Variants in AGBL1 observed in about 807,000 individuals in gnomAD.
AGBL1 encodes the protein cytosolic carboxypeptidase 4.
A neutral mutation model predicts 118.9 loss-of-function variants in AGBL1; 130 were observed. The observed-to-expected ratio is 1.09, with a 90% CI of 0.95 to 1.26. The LOEUF (loss-of-function observed/expected upper bound fraction) is 1.26. Among genes scored for constraint, AGBL1 ranks in the 50% most tolerant of loss-of-function variants. The pLI is 0.00. For synonymous variants in AGBL1, 555 were observed against 478.9 expected (o/e 1.16, Z -2.08); for missense variants, 1,584 against 1,298.1 (o/e 1.22, Z -3.38).
intron 22 of AGBL1, among the ~76,000 whole-genome samples, chr15:86,712,348 A>T (rs141256922): frequency 4.0e-5 from 6 of 151,190 alleles, no homozygotes; most frequent in African/African-American, 1.5e-4. Context: ...AGAAGGGATT[A>T]CAGAGACGAT....
At chr15:86,215,581 A>G (rs972462346) in intron 5 of AGBL1, among the ~76,000 whole-genome samples, 1 of 152,118 alleles carries the variant, frequency 6.6e-6, no homozygotes, top group South Asian at 2.1e-4. Context: ...CTGACATTGC[A>G]GTGAGACAGA....
rs147564106 is a variant in AGBL1, at chr15:86,279,963, A to G, written c.2220+180A>G. On this transcript the variant is annotated intron_variant, in intron 16 of 22. Transcript: ENST00000614907. ...TGACTTGGTGCTTTCTAATTGTCCC[A>G]TCTCCTTCCCTGGACAGAGCACAAG... Among the ~76,000 whole-genome samples, 7 of 152,286 alleles carry G rather than the reference A, an allele frequency of 4.6e-5. No individual in the cohort carries two copies. The East Asian group carries it at 7.7e-4, about 17-fold the overall frequency.
chr15:86,787,454 G>A (rs1368374592), intron 22 of AGBL1, among the ~76,000 whole-genome samples: 2 of 151,980 alleles, frequency 1.3e-5, no homozygotes, highest in Non-Finnish European at 2.9e-5. Flanking sequence ...AGTAATTGCT[G>A]TTCTAGTCTC....
At chr15:86,922,440 G>A (rs545097299) in intron 23 of AGBL1, among the ~76,000 whole-genome samples, 49 of 152,282 alleles carry the variant, frequency 3.2e-4, no homozygotes, top group African/African-American at 1.2e-3. Flanking sequence ...ACAGGCATGT[G>A]CCACCATGCC....
intron 23 of AGBL1, among the ~76,000 whole-genome samples, chr15:86,952,375 A>C (rs1241497382): frequency 6.6e-6 from 1 of 152,184 alleles, no homozygotes; most frequent in African/African-American, 2.4e-5. Flanking sequence ...AATATCTAGT[A>C]AGGTCATGAT....
chr15:86,761,116 A>T (rs536804941), intron 22 of AGBL1, among the ~76,000 whole-genome samples: 4 of 152,162 alleles, frequency 2.6e-5, no homozygotes, highest in Admixed American at 1.3e-4. Flanking sequence ...CAAGTACCCC[A>T]GGTTTTTGCC....
intron 5 of AGBL1, among the ~76,000 whole-genome samples, chr15:86,216,385 T>C (rs1040843134): frequency 6.6e-6 from 1 of 152,240 alleles, no homozygotes; most frequent in African/African-American, 2.4e-5. Context: ...AAGTATCATA[T>C]TAACTGTGGA....
chr15:86,404,232 AT>A (rs2081490409), intron 18 of AGBL1, among the ~76,000 whole-genome samples: 1 of 152,036 alleles, frequency 6.6e-6, no homozygotes, highest in South Asian at 2.1e-4. Context: ...GGGATGAATG[AT>A]TTGGTTCATC....
intron 22 of AGBL1, among the ~76,000 whole-genome samples, chr15:86,814,764 A>G (rs1317266603): frequency 6.6e-6 from 1 of 152,202 alleles, no homozygotes; most frequent in African/African-American, 2.4e-5. Flanking sequence ...CTCACCAAAG[A>G]AAACAGTCAA....
chr15:86,708,104 A>C (rs934370594), intron 22 of AGBL1, among the ~76,000 whole-genome samples: 1 of 152,112 alleles, frequency 6.6e-6, no homozygotes, highest in Non-Finnish European at 1.5e-5. Flanking sequence ...TCAGTGACAC[A>C]GGCATTAACA....
intron 18 of AGBL1, among the ~76,000 whole-genome samples, chr15:86,425,735 G>A (rs1376718433): frequency 6.6e-6 from 1 of 152,140 alleles, no homozygotes; most frequent in Non-Finnish European, 1.5e-5. Context: ...TAAAAGTGAT[G>A]TCCAGGGCCA....
At chr15:86,916,347 G>A (rs1383162363), downstream of AGBL1, among the ~76,000 whole-genome samples, 1 of 152,046 alleles carries the variant, frequency 6.6e-6, no homozygotes, top group African/African-American at 2.4e-5. Flanking sequence ...ATTTTTTAAA[G>A]AAGAAAAAAT....
At chr15:86,345,360 G>A (rs1049009913) in intron 17 of AGBL1, among the ~76,000 whole-genome samples, 9 of 152,168 alleles carry the variant, frequency 5.9e-5, no homozygotes, top group Admixed American at 2.6e-4. Flanking sequence ...TAGTGCATCA[G>A]CGAGCAACAT....
At chr15:86,504,598 G>A (rs1294556351) in intron 18 of AGBL1, among the ~76,000 whole-genome samples, 1 of 150,862 alleles carries the variant, frequency 6.6e-6, no homozygotes, top group Non-Finnish European at 1.5e-5. Flanking sequence ...ACTGCCTTGG[G>A]GATTTATAAT....
intron 22 of AGBL1, among the ~76,000 whole-genome samples, chr15:86,882,399 A>G (rs1188513877): frequency 3.9e-5 from 6 of 152,176 alleles, no homozygotes; most frequent in Admixed American, 6.5e-5. Context: ...TGTAATATCA[A>G]TTGAATTCTA....
intron 24 of AGBL1, among the ~76,000 whole-genome samples, chr15:87,025,233 A>AGG (rs1410374397): frequency 6.6e-6 from 1 of 152,038 alleles, no homozygotes; most frequent in Non-Finnish European, 1.5e-5. Flanking sequence ...AGAAAACCCT[A>AGG]AAGACTCCTC....
Position 86,262,897 on chromosome 15 carries a change from A to G in AGBL1, c.1086+3A>G. Reference sequence around the variant, plus strand: ...TTGAGCTCTCCTATAGCTTTGAGGTAGGACATATGCTGTGGTTCTGATCTT... The same window carrying G: ...TTGAGCTCTCCTATAGCTTTGAGGTGGGACATATGCTGTGGTTCTGATCTT... On this transcript the variant is annotated splice_donor_region_variant and intron_variant, in intron 10 of 22. Coordinates refer to ENST00000614907, the MANE Select transcript of AGBL1 (RefSeq NM_001386094.1). 1 of 1,591,158 alleles carries G rather than the reference A, an allele frequency of 6.3e-7. No individual in the cohort carries two copies. Among genetic ancestry groups the G allele is most frequent in the African/African-American group, 1.3e-5 (1 of 74,644 alleles).
At position 86,110,045 on chromosome 15, in the gene AGBL1, T is replaced by A. The variant is rs149183984; in HGVS notation, c.51+30022T>A. ...CCTTCCTCTTGCTAGTGGTACAAAA[T>A]CATATGTCTATGTAAACACATGACT... is the stretch of plus-strand genomic sequence containing the variant. On this transcript the variant is annotated intron_variant, in intron 1 of 22. Coordinates refer to ENST00000614907, the MANE Select transcript of AGBL1 (RefSeq NM_001386094.1). 148 of 152,312 alleles carry A rather than the reference T, an allele frequency of 9.7e-4. 1 individual carries two copies. The highest frequency in any genetic ancestry group is 3.3e-3 in the African/African-American group (139 of 41,566). The allele number at this position is 152,312 out of a possible 1,614,324, so 9.4% of individuals were successfully genotyped here.
downstream of AGBL1, among the ~76,000 whole-genome samples, chr15:86,919,583 C>G (rs2080463748): frequency 8.6e-6 from 1 of 116,346 alleles, no homozygotes; most frequent in Admixed American, 8.5e-5. Context: ...GACACACACA[C>G]ACACACACAC....
Sources: gnomAD v4.1 joint callset for allele counts (sites outside exome capture counted in the v4.1 genomes callset) on GRCh38, gnomAD v4.1.1 for gene constraint, MANE v1.5 for transcripts, NCBI Gene and HGNC (gene_info 2026-07-23, HGNC 2026-07-21) for gene names.